The following SMCHD1 variants were observed in gnomAD, a reference collection of about 807,000 sequenced individuals.
The protein encoded by SMCHD1 is structural maintenance of chromosomes flexible hinge domain-containing protein 1.
Under a neutral mutation model 254.7 loss-of-function variants are expected in SMCHD1, and 78 were observed. The ratio of observed to expected loss-of-function variants is 0.31; its 90% confidence interval spans 0.26 to 0.37. The LOEUF (loss-of-function observed/expected upper bound fraction) is 0.37. SMCHD1 is among the 10% of genes least tolerant of loss of function. The pLI, the probability that SMCHD1 is intolerant of heterozygous loss-of-function variation, is 1.00. For synonymous variants in SMCHD1, 766 were observed against 794.9 expected (o/e 0.96, Z 0.61); for missense variants, 1,840 against 2,408.1 (o/e 0.76, Z 4.94).
Position 2,748,380 on chromosome 18 carries a change from G to GTGTGTGTGTGTGTGTGTATA in SMCHD1, c.3927+736_3927+737insGTGTGTGTGTGTGTATATGT, listed in dbSNP as rs561439889. 5.1e-4 allele frequency among the ~76,000 whole-genome samples: 41 copies of GTGTGTGTGTGTGTGTGTATA among 80,246 alleles called. 1 individual carries two copies. Among genetic ancestry groups the GTGTGTGTGTGTGTGTGTATA allele is most frequent in the African/African-American group, 2.6e-3 (38 of 14,558 alleles). The allele number at this position is 80,246 out of a possible 152,430, so 52.6% of individuals were successfully genotyped here. On this transcript the variant is annotated intron_variant, in intron 30 of 47. Transcript: ENST00000320876. Reference sequence around the variant, plus strand: ...TGTGTGTGTGTGTGTGTGTGTGTGTGTGTATATAAATTTTTTTTTTTTTTT... The same window carrying GTGTGTGTGTGTGTGTGTATA: ...TGTGTGTGTGTGTGTGTGTGTGTGTGTGTGTGTGTGTGTGTGTATATGTATATAAATTTTTTTTTTTTTTT...
chr18:2,745,706 C>T (rs372155130), intron 29 of SMCHD1, among the ~76,000 whole-genome samples: 3 of 152,020 alleles, frequency 2.0e-5, no homozygotes, highest in Non-Finnish European at 2.9e-5. Flanking sequence ...TGTCTTATAT[C>T]GTTTTGGGGG....
rs909185188 is a variant in SMCHD1, at chr18:2,721,847, T to C, written c.2459-672T>C. Among the ~76,000 whole-genome samples the C allele has an allele frequency of 3.3e-5, 5 of 152,338 alleles. No homozygotes were observed. In the South Asian group the frequency reaches 6.2e-4, roughly 19 times the overall value. On this transcript the variant is annotated intron_variant, in intron 19 of 47. Coordinates refer to ENST00000320876, the MANE Select transcript of SMCHD1 (RefSeq NM_015295.3). ...TTTTAATAGTTTAAAGCTGTGGTTC[T>C]CAAATTTGAGTTTGTATCAGAATCA...
chr18:2,745,878 A>C (rs1370132166), intron 29 of SMCHD1, among the ~76,000 whole-genome samples: 1 of 152,218 alleles, frequency 6.6e-6, no homozygotes, highest in Non-Finnish European at 1.5e-5. Flanking sequence ...TGATTATTTG[A>C]TATCTAATTT....
intron 1 of SMCHD1, among the ~76,000 whole-genome samples, chr18:2,659,873 G>A (rs2073194851): frequency 6.6e-6 from 1 of 152,058 alleles, no homozygotes; most frequent in Non-Finnish European, 1.5e-5. Context: ...GAGTTTCAGA[G>A]CAGTGCTAAT....
At chr18:2,711,231 A>G (rs568279696) in intron 17 of SMCHD1, among the ~76,000 whole-genome samples, 4 of 150,764 alleles carry the variant, frequency 2.7e-5, no homozygotes, top group African/African-American at 9.8e-5. Context: ...CTCCTTATGC[A>G]CCAGGACAAC....
intron 1 of SMCHD1, among the ~76,000 whole-genome samples, chr18:2,662,136 G>T (rs1317139271): frequency 7.3e-6 from 1 of 136,498 alleles, no homozygotes. Flanking sequence ...TCCGCAGTCC[G>T]GCCTGGGCGA....
chr18:2,738,791 A>G (rs945599029), intron 26 of SMCHD1, among the ~76,000 whole-genome samples: 2 of 152,192 alleles, frequency 1.3e-5, no homozygotes, highest in African/African-American at 4.8e-5. Flanking sequence ...AACAGTGAAA[A>G]CACCTGCAAA....
chr18:2,672,276 G>T (rs918510729), intron 3 of SMCHD1, among the ~76,000 whole-genome samples: 1 of 152,094 alleles, frequency 6.6e-6, no homozygotes, highest in South Asian at 2.1e-4. Flanking sequence ...GCCCAGGCTG[G>T]AGTGCAGTGG....
At chr18:2,752,665 TGTTA>T (rs1347243621) in intron 34 of SMCHD1, 113 bp downstream of exon 34, 24 of 662,052 alleles carry the variant, frequency 3.6e-5, no homozygotes, top group Non-Finnish European at 5.8e-5. Context: ...CAAATAGAAA[TGTTA>T]GTGTCTCTAA....
chr18:2,700,973 A>G, intron 12 of SMCHD1, 55 bp downstream of exon 12: 2 of 1,304,214 alleles, frequency 1.5e-6, no homozygotes, highest in Admixed American at 2.2e-5. Flanking sequence ...ATTTTTAAGT[A>G]AAAGAAGACA....
intron 7 of SMCHD1, among the ~76,000 whole-genome samples, chr18:2,693,625 TGTTTG>T (rs1466325214): frequency 4.9e-5 from 7 of 143,762 alleles, no homozygotes; most frequent in African/African-American, 1.8e-4. Context: ...CCATGTTTTT[TGTTTG>T]TTTGTTTGTT....
chr18:2,794,258 C>T (rs2076220966), intron 45 of SMCHD1, among the ~76,000 whole-genome samples: 3 of 152,156 alleles, frequency 2.0e-5, no homozygotes, highest in Admixed American at 1.3e-4. Flanking sequence ...AGTTCAAGAC[C>T]AGCCTGGGCT....
chr18:2,779,214 GTAGA>G (rs2076116281), intron 44 of SMCHD1, among the ~76,000 whole-genome samples: 1 of 152,118 alleles, frequency 6.6e-6, no homozygotes, highest in African/African-American at 2.4e-5. Flanking sequence ...AGTCCTCTTT[GTAGA>G]TTTCTCCAAG....
intron 3 of SMCHD1, among the ~76,000 whole-genome samples, chr18:2,667,961 C>G (rs1233159305): frequency 2.0e-5 from 3 of 152,022 alleles, no homozygotes; most frequent in Admixed American, 2.0e-4. Context: ...CTCACTGCAA[C>G]CTCTGCCTCC....
chr18:2,698,983 A>G (rs1191131835), intron 10 of SMCHD1, among the ~76,000 whole-genome samples: 1 of 152,136 alleles, frequency 6.6e-6, no homozygotes, highest in Non-Finnish European at 1.5e-5. Context: ...TTTTGGAATC[A>G]GCTTTGTACA....
Position 2,700,787 on chromosome 18 carries a change from T to C in SMCHD1, c.1516T>C (p.Tyr506His). 3 of 1,613,426 alleles carry C rather than the reference T, an allele frequency of 1.9e-6. No homozygotes were observed. The highest frequency in any genetic ancestry group is 1.3e-5 in the African/African-American group (1 of 75,060). Residue 506 changes from tyrosine to histidine, a missense_variant, in exon 12 of 48, where the codon TAC becomes CAC. This residue lies in a region of SMCHD1 where 498 missense variants were observed against 743.5 expected (regional missense o/e 0.67). Coordinates refer to ENST00000320876, the MANE Select transcript of SMCHD1 (RefSeq NM_015295.3). ...KKRGLAPIEC[Y>H]NRISGALFTN... ...GAGAGGGCTTGCACCAATTGAATGCTACAATAGGATATCTGGTGCATTATT... is the reference window on the plus strand; with the variant it reads ...GAGAGGGCTTGCACCAATTGAATGCCACAATAGGATATCTGGTGCATTATT...
intron 3 of SMCHD1, among the ~76,000 whole-genome samples, chr18:2,672,157 C>T (rs998816897): frequency 1.2e-4 from 18 of 152,088 alleles, no homozygotes; most frequent in African/African-American, 3.6e-4. Flanking sequence ...CTTTGCAATT[C>T]GTTTATAAAC....
chr18:2,754,254 A>T (rs1479965817), intron 34 of SMCHD1, among the ~76,000 whole-genome samples: 1 of 152,194 alleles, frequency 6.6e-6, no homozygotes, highest in African/African-American at 2.4e-5. Flanking sequence ...ACATTTTACT[A>T]TATTATTGTG....
At chr18:2,674,720 A>G (rs1004504130) in intron 5 of SMCHD1, among the ~76,000 whole-genome samples, 1 of 152,206 alleles carries the variant, frequency 6.6e-6, no homozygotes, top group Admixed American at 6.5e-5. Context: ...AAGAGCTTTG[A>G]CCCACAAGTC....
Sources: allele counts gnomAD v4.1 joint callset (sites outside exome capture counted in the v4.1 genomes callset), GRCh38; gene constraint gnomAD v4.1.1; regional missense constraint gnomAD v4.1.1; transcripts MANE v1.5; gene names NCBI Gene and HGNC (gene_info 2026-07-23, HGNC 2026-07-21).